Variants in SLC17A1 observed in about 807,000 individuals in gnomAD.
The protein encoded by SLC17A1 is sodium-dependent phosphate transport protein 1.
Under a neutral mutation model 53.5 loss-of-function variants are expected in SLC17A1, and 51 were observed. That is an observed-to-expected ratio of 0.95 (90% CI 0.76 to 1.20). The LOEUF (loss-of-function observed/expected upper bound fraction) is 1.20, where lower values mean the gene tolerates loss of function less well. Among genes scored for constraint, SLC17A1 ranks in the 50% most tolerant of loss-of-function variants. SLC17A1 has a pLI of 0.00. For synonymous variants in SLC17A1, 179 were observed against 198.8 expected (o/e 0.90, Z 0.84); for missense variants, 538 against 568.2 (o/e 0.95, Z 0.54).
At chr6:25,770,063 C>G in the SLC17A1 span, 29 of 1,612,908 alleles carry the variant, frequency 1.8e-5, no homozygotes, top group Non-Finnish European at 2.3e-5. Context: ...TCTTTGTCAT[C>G]TAGGCCCCTG....
At chr6:25,784,378 T>C (rs527680061) in intron 12 of SLC17A1, among the ~76,000 whole-genome samples, 1 of 152,322 alleles carries the variant, frequency 6.6e-6, no homozygotes, top group Non-Finnish European at 1.5e-5. Context: ...AGAAGCATGA[T>C]GCCAGCATCT....
At chr6:25,779,838 C>T (rs912158316), downstream of SLC17A1, 4 of 152,234 alleles carry the variant, frequency 2.6e-5, no homozygotes, top group Non-Finnish European at 4.4e-5. Context: ...TGCCCCACAT[C>T]TGCTTTTTGG....
chr6:25,820,705 C>A (rs1161892936), intron 3 of SLC17A1, among the ~76,000 whole-genome samples: 1 of 151,706 alleles, frequency 6.6e-6, no homozygotes, highest in Non-Finnish European at 1.5e-5. Context: ...ACAGTGAAAC[C>A]CCGTCTCTAC....
chr6:25,819,426 A>G (rs1764470179), intron 5 of SLC17A1, 85 bp downstream of exon 5: 1 of 1,141,318 alleles, frequency 8.8e-7, no homozygotes, highest in East Asian at 2.3e-5. Context: ...ACCATTCAAA[A>G]CACACATTTC....
At chr6:25,742,705 G>A in the SLC17A1 span, among the ~76,000 whole-genome samples, 1 of 152,128 alleles carries the variant, frequency 6.6e-6, no homozygotes, top group Non-Finnish European at 1.5e-5. Context: ...TCAAGGGGCT[G>A]AGGTGGGAGA....
the SLC17A1 span, among the ~76,000 whole-genome samples, chr6:25,754,323 C>T: frequency 2.6e-5 from 4 of 152,086 alleles, no homozygotes; most frequent in African/African-American, 4.8e-5. Flanking sequence ...CTCAAGTCGA[C>T]CAAAATGTAT....
chr6:25,748,015 T>A, the SLC17A1 span, among the ~76,000 whole-genome samples: 1 of 152,226 alleles, frequency 6.6e-6, no homozygotes, highest in Non-Finnish European at 1.5e-5. Flanking sequence ...GAAGGGCATA[T>A]GTGTATATTT....
At chr6:25,773,650 G>T in the SLC17A1 span, 1 of 1,613,476 alleles carries the variant, frequency 6.2e-7, no homozygotes, top group Non-Finnish European at 8.5e-7. Context: ...ACATCAGCTC[G>T]GTACTTCAAG....
chr6:25,816,455 C>T (rs963569387), intron 6 of SLC17A1, among the ~76,000 whole-genome samples: 2 of 152,248 alleles, frequency 1.3e-5, no homozygotes, highest in African/African-American at 2.4e-5. Flanking sequence ...TGATTAGAAG[C>T]AGAGCCATGG....
rs376486751 is a variant in SLC17A1, at chr6:25,828,710, C to T, written c.34+1814G>A. Among the ~76,000 whole-genome samples, 4 of 152,074 alleles carry T rather than the reference C, an allele frequency of 2.6e-5. No individual in the cohort carries two copies. In the East Asian group the frequency reaches 7.7e-4, roughly 29 times the overall value. ...TTATTAGATAATAAATATTTTACAT[C>T]ATCTTACCGAATTGAATTTTATATC... On this transcript the variant is annotated intron_variant, in intron 2 of 12. Transcript: ENST00000244527.
the SLC17A1 span, among the ~76,000 whole-genome samples, chr6:25,741,456 G>T: frequency 0.26 from 37,578 of 144,082 alleles, 6,380 homozygotes; most frequent in East Asian, 0.7. Flanking sequence ...GGGTCACGCC[G>T]GTAATCCCAG....
At chr6:25,726,146 C>A in the SLC17A1 span, 38 of 1,545,300 alleles carry the variant, frequency 2.5e-5, no homozygotes, top group African/African-American at 4.8e-4. Context: ...TTGCTTTGGG[C>A]TTTATGGTGG....
chr6:25,782,548 C>A (rs1197237867), downstream of SLC17A1, among the ~76,000 whole-genome samples: 1 of 152,072 alleles, frequency 6.6e-6, no homozygotes, highest in Non-Finnish European at 1.5e-5. Context: ...CCAGATTTTT[C>A]TTTAATTGTA....
the SLC17A1 span, among the ~76,000 whole-genome samples, chr6:25,761,262 G>T: frequency 4.6e-5 from 7 of 152,188 alleles, no homozygotes; most frequent in Non-Finnish European, 7.3e-5. Context: ...AAGGGGAAGA[G>T]CCTCTGTAAC....
Position 25,830,530 on chromosome 6 carries a change from T to C in SLC17A1, c.28A>G (p.Lys10Glu), listed in dbSNP as rs1370404587. ...GAACAGAATAAAGTGCTACCTTTTT[T>C]GGGAGGCAACCGGTTATCCATTTGC... Reference protein sequence around the residue: MQMDNRLPPKKVPGFCSFRY... With the variant: MQMDNRLPPEKVPGFCSFRY... The change falls in exon 2 of 13, where the codon AAA becomes GAA. Residue 10 changes from lysine (K) to glutamate (E), a missense_variant. Physicochemically the swap from Lys to Glu is moderately conservative, Grantham distance 56 (BLOSUM62 1). Transcript: ENST00000244527. 7 of 1,613,002 alleles carry C rather than the reference T, an allele frequency of 4.3e-6. No homozygotes were observed. Among genetic ancestry groups the C allele is most frequent in the South Asian group, 3.3e-5 (3 of 91,050 alleles).
chr6:25,818,914 G>C (rs1247251183), intron 6 of SLC17A1, among the ~76,000 whole-genome samples, 154 bp downstream of exon 6: 2 of 152,142 alleles, frequency 1.3e-5, no homozygotes, highest in Non-Finnish European at 2.9e-5. Flanking sequence ...GCTTGTGATA[G>C]GAACTTAATG....
the SLC17A1 span, chr6:25,770,251 C>A: frequency 6.2e-7 from 1 of 1,613,962 alleles, no homozygotes; most frequent in East Asian, 2.2e-5. Flanking sequence ...GCAGCTAATG[C>A]GGGAGTGGCC....
intron 10 of SLC17A1, among the ~76,000 whole-genome samples, chr6:25,810,698 C>G (rs1764123179): frequency 6.6e-6 from 1 of 151,988 alleles, no homozygotes; most frequent in African/African-American, 2.4e-5. Flanking sequence ...TATGGATGTT[C>G]CTCAAAAAAT....
chr6:25,785,763 C>T (rs13197514), intron 12 of SLC17A1, among the ~76,000 whole-genome samples: 48,528 of 151,866 alleles, frequency 0.32, 9,514 homozygotes, highest in South Asian at 0.45. Context: ...AAAAGCAAAT[C>T]AAAACCATAA....
Sources: gnomAD v4.1 joint callset for allele counts (sites outside exome capture counted in the v4.1 genomes callset) on GRCh38, gnomAD v4.1.1 for gene constraint, MANE v1.5 for transcripts, NCBI Gene and HGNC (gene_info 2026-07-23, HGNC 2026-07-21) for gene names.